Variants in PHKB observed in about 807,000 individuals in gnomAD.
The protein encoded by PHKB is phosphorylase kinase regulatory subunit beta, also known as phosphorylase b kinase regulatory subunit beta.
A neutral mutation model predicts 152.1 loss-of-function variants in PHKB; 122 were observed. That is an observed-to-expected ratio of 0.80 (90% confidence interval 0.69 to 0.93). The LOEUF (loss-of-function observed/expected upper bound fraction) is 0.93, where lower values mean the gene tolerates loss of function less well. Among genes scored for constraint, PHKB ranks in the 40% least tolerant of loss-of-function variants. The pLI is 0.00. For synonymous variants in PHKB, 436 were observed against 464.9 expected (o/e 0.94, Z 0.80); for missense variants, 1,304 against 1,328.4 (o/e 0.98, Z 0.29).
chr16:47,489,077 A>G (rs1215495842), intron 1 of PHKB, among the ~76,000 whole-genome samples: 1 of 152,144 alleles, frequency 6.6e-6, no homozygotes, highest in Admixed American at 6.5e-5. Flanking sequence ...TTTTTGAGAC[A>G]GAGTCTTGCT....
chr16:47,577,601 C>T (rs1282655290), intron 7 of PHKB, among the ~76,000 whole-genome samples: 1 of 152,020 alleles, frequency 6.6e-6, no homozygotes, highest in African/African-American at 2.4e-5. Context: ...TGGTTTCTTC[C>T]TGATTGCTAA....
chr16:47,468,750 ACCT>A (rs1300105580), intron 1 of PHKB, among the ~76,000 whole-genome samples: 1 of 152,210 alleles, frequency 6.6e-6, no homozygotes, highest in Non-Finnish European at 1.5e-5. Flanking sequence ...TGCCCCTCTG[ACCT>A]CCTCACAGAA....
At chr16:47,521,685 G>A (rs1970688053) in intron 6 of PHKB, among the ~76,000 whole-genome samples, 1 of 151,600 alleles carries the variant, frequency 6.6e-6, no homozygotes. Context: ...AAAGAAAAAT[G>A]TTATCTGTGG....
rs181632888 is a variant in PHKB, at chr16:47,466,552, A to T, written c.76+5126A>T. On this transcript the variant is annotated intron_variant, in intron 1 of 30. Coordinates refer to ENST00000323584, the MANE Select transcript of PHKB (RefSeq NM_000293.3). ...CCTTTTTATAATGGCTCATGAGCTT[A>T]TCTACCTTGGCTCCCTAAGTTTATC... 8.1e-4 allele frequency among the ~76,000 whole-genome samples: 124 copies of T among 152,330 alleles called. 3 individuals are homozygous for T. The highest frequency in any genetic ancestry group is 2.7e-3 in the African/African-American group (113 of 41,570).
intron 7 of PHKB, among the ~76,000 whole-genome samples, chr16:47,554,359 C>T (rs1971328172): frequency 6.6e-6 from 1 of 152,110 alleles, no homozygotes; most frequent in African/African-American, 2.4e-5. Flanking sequence ...TGGTGTACGC[C>T]CCTTTCCCCA....
chr16:47,465,831 A>G (rs185001498), intron 1 of PHKB, among the ~76,000 whole-genome samples: 8 of 152,276 alleles, frequency 5.3e-5, no homozygotes, highest in Non-Finnish European at 5.9e-5. Flanking sequence ...TTCTTTGGAC[A>G]TTATCTTTAT....
At chr16:47,673,791 T>G (rs1293644384) in intron 26 of PHKB, among the ~76,000 whole-genome samples, 5 of 152,174 alleles carry the variant, frequency 3.3e-5, no homozygotes, top group South Asian at 2.1e-4. Context: ...AGAAGAAGAA[T>G]AAAAATTCTT....
intron 26 of PHKB, among the ~76,000 whole-genome samples, chr16:47,677,926 G>A (rs536098086): frequency 1.3e-5 from 1 of 75,254 alleles, no homozygotes; most frequent in Non-Finnish European, 2.5e-5. Context: ...CCCCTCCCCC[G>A]ACCCCACAAC....
intron 16 of PHKB, among the ~76,000 whole-genome samples, chr16:47,643,087 T>A (rs1170464885): frequency 6.6e-6 from 1 of 152,206 alleles, no homozygotes; most frequent in African/African-American, 2.4e-5. Context: ...CAAATCTGTT[T>A]TTTCTAGTCT....
rs1971033241 is a variant in PHKB at position 47,540,411 on chromosome 16, G to A, written c.595-7022G>A. On this transcript the variant is annotated intron_variant, in intron 6 of 30. Coordinates refer to ENST00000323584, the MANE Select transcript of PHKB (RefSeq NM_000293.3). ...TTGTCCTGTTTCCTCAGAAGCATGT[G>A]ATCTTTGTTCTCCTTTTTGCCCTTT... Among the ~76,000 whole-genome samples the A allele has an allele frequency of 2.0e-5, 3 of 152,092 alleles. No individual in the cohort carries two copies. In the South Asian group the frequency reaches 6.2e-4, roughly 31 times the overall value.
chr16:47,507,621 G>A (rs1970442809), intron 4 of PHKB, among the ~76,000 whole-genome samples: 6 of 152,040 alleles, frequency 3.9e-5, no homozygotes. Flanking sequence ...GCCTCCCAAA[G>A]TGCTAGGATT....
intron 1 of PHKB, among the ~76,000 whole-genome samples, chr16:47,495,248 T>G (rs1970212489): frequency 6.6e-6 from 1 of 151,856 alleles, no homozygotes. Flanking sequence ...CCTTAGTTCT[T>G]AAATATCCTA....
At chr16:47,502,868 A>G in intron 3 of PHKB, 123 bp from the exon 4 acceptor site, 1 of 702,878 alleles carries the variant, frequency 1.4e-6, no homozygotes, top group East Asian at 2.7e-5. Context: ...TCACTGTGAC[A>G]GAATTGGTAG....
At chr16:47,581,175 T>C (rs977518163) in intron 8 of PHKB, among the ~76,000 whole-genome samples, 2 of 152,178 alleles carry the variant, frequency 1.3e-5, no homozygotes, top group Non-Finnish European at 2.9e-5. Context: ...ACGACATGGT[T>C]TTTGTTATGG....
intron 27 of PHKB, among the ~76,000 whole-genome samples, 176 bp downstream of exon 27, chr16:47,689,351 C>T (rs1370034857): frequency 6.6e-6 from 1 of 152,124 alleles, no homozygotes; most frequent in Non-Finnish European, 1.5e-5. Context: ...AAATGTCTGT[C>T]TTCAATTATT....
intron 4 of PHKB, among the ~76,000 whole-genome samples, chr16:47,510,366 T>G (rs1221570034): frequency 6.6e-6 from 1 of 152,174 alleles, no homozygotes; most frequent in Admixed American, 6.5e-5. Flanking sequence ...CCTTGGTTGG[T>G]TCCTCTGTCA....
chr16:47,508,987 G>A (rs1290075053), intron 4 of PHKB, among the ~76,000 whole-genome samples: 1 of 152,146 alleles, frequency 6.6e-6, no homozygotes, highest in Non-Finnish European at 1.5e-5. Flanking sequence ...CCCTGACATA[G>A]TGATTGAATA....
At chr16:47,483,038 T>TTC (rs1555469806) in intron 1 of PHKB, among the ~76,000 whole-genome samples, 2 of 138,528 alleles carry the variant, frequency 1.4e-5, no homozygotes, top group Non-Finnish European at 3.1e-5. Context: ...TAATTTCTTT[T>TTC]TTTTTTTTTT....
chr16:47,532,845 C>T (rs1198966405), intron 6 of PHKB, among the ~76,000 whole-genome samples: 1 of 152,248 alleles, frequency 6.6e-6, no homozygotes, highest in African/African-American at 2.4e-5. Context: ...TTAGCCCCAC[C>T]ATTTTATGGG....
Sources: allele counts gnomAD v4.1 joint callset (sites outside exome capture counted in the v4.1 genomes callset), GRCh38; gene constraint gnomAD v4.1.1; transcripts MANE v1.5; gene names NCBI Gene and HGNC (gene_info 2026-07-23, HGNC 2026-07-21).